DENND2A: variants seen among roughly 807,000 people sequenced by gnomAD.
DENND2A encodes DENN domain containing 2A, also known as DENN domain-containing protein 2A.
In DENND2A, 53 loss-of-function variants were observed where a neutral mutation model predicts 105.3. The observed-to-expected ratio is 0.50, with a 90% CI of 0.40 to 0.63. DENND2A has a LOEUF of 0.63. Among genes scored for constraint, DENND2A ranks in the 30% least tolerant of loss-of-function variants. The pLI, the probability that DENND2A is intolerant of heterozygous loss-of-function variation, is 0.00. For missense variants in DENND2A, 1,138 were observed against 1,279.6 expected, an observed-to-expected ratio of 0.89 and a Z score of 1.69; for synonymous variants, 522 against 508.4, an observed-to-expected ratio of 1.03 and a Z score of -0.36.
Position 140,521,984 on chromosome 7 carries a change from G to A in DENND2A, c.2782C>T (p.Leu928=), listed in dbSNP as rs61737087. The A allele has an allele frequency of 5.6e-4, 903 of 1,614,166 alleles. 5 individuals carry two copies. The African/African-American group carries it at 0.01, about 19-fold the overall frequency. The change falls in exon 18 of 20, where the codon CTG becomes TTG. Residue 928 remains leucine (L), a synonymous_variant. Coordinates refer to ENST00000496613, the MANE Select transcript of DENND2A (RefSeq NM_015689.5). ...GCTTTGCGGAAGGCCTCCCGCTGCA[G>A]GGTTCTCTCCTCACGCTCGCCCGAC... ...LTSGEREERT[L]QREAFRKAVS...
chr7:140,555,135 CTTT>C (rs11308626), intron 12 of DENND2A, among the ~76,000 whole-genome samples: 25 of 118,440 alleles, frequency 2.1e-4, no homozygotes, highest in African/African-American at 2.5e-4. Flanking sequence ...TTCATTAACT[CTTT>C]TTTTTTTTTT....
At chr7:140,639,688 T>C (rs1167453630) in intron 1 of DENND2A, among the ~76,000 whole-genome samples, 2 of 152,218 alleles carry the variant, frequency 1.3e-5, no homozygotes, top group Non-Finnish European at 2.9e-5. Context: ...TCCGATGTCA[T>C]TTGGAACCTT....
At chr7:140,548,956 C>T (rs1332032663) in intron 12 of DENND2A, among the ~76,000 whole-genome samples, 2 of 151,946 alleles carry the variant, frequency 1.3e-5, no homozygotes, top group African/African-American at 4.8e-5. Flanking sequence ...TGGTGGCTCC[C>T]ACCTGTAATC....
chr7:140,572,837 T>G (rs1798151980), intron 6 of DENND2A, among the ~76,000 whole-genome samples: 1 of 152,062 alleles, frequency 6.6e-6, no homozygotes, highest in Non-Finnish European at 1.5e-5. Context: ...GCATATTAGT[T>G]GTTTTTAACT....
chr7:140,591,953 TAC>T (rs1799060934), intron 3 of DENND2A, among the ~76,000 whole-genome samples: 1 of 22,704 alleles, frequency 4.4e-5, no homozygotes, highest in African/African-American at 2.8e-4. Flanking sequence ...CCCCCCTCCC[TAC>T]TCCCCTCCCC....
At chr7:140,576,699 T>C (rs1798313296) in intron 5 of DENND2A, among the ~76,000 whole-genome samples, 1 of 152,220 alleles carries the variant, frequency 6.6e-6, no homozygotes, top group Non-Finnish European at 1.5e-5. Context: ...AGCTCCAATG[T>C]TTTATCACAG....
Position 140,602,258 on chromosome 7 carries a change from T to C in DENND2A, c.140A>G (p.Lys47Arg), listed in dbSNP as rs1373390213. 1 of 1,613,444 alleles carries C rather than the reference T, an allele frequency of 6.2e-7. No individual in the cohort carries two copies. Among genetic ancestry groups the C allele is most frequent in the East Asian group, 2.2e-5 (1 of 44,890 alleles). The change falls in exon 3 of 20, where the codon AAG (lysine) becomes AGG (arginine). Residue 47 changes from lysine to arginine, a missense_variant. This residue lies in a region of DENND2A where 511 missense variants were observed against 499.9 expected (regional missense o/e 1.02). Transcript: ENST00000496613. ...ARPRHKSLNI[K>R]DKISEWEGKK... is the part of the protein sequence containing the mutation. ...CCCTTCCCATTCTGATATCTTGTCC[T>C]TTATGTTGAGGGACTTGTGCCGGGG...
chr7:140,637,573 T>C (rs1800995302), intron 1 of DENND2A, among the ~76,000 whole-genome samples: 1 of 152,226 alleles, frequency 6.6e-6, no homozygotes, highest in Admixed American at 6.5e-5. Context: ...ATCTCTGGTC[T>C]GCTGAGTCCC....
chr7:140,585,140 GTGCGCCGTGAT>G (rs1233715996), intron 5 of DENND2A, among the ~76,000 whole-genome samples: 1 of 152,204 alleles, frequency 6.6e-6, no homozygotes, highest in African/African-American at 2.4e-5. Flanking sequence ...CAAGGCTGCA[GTGCGCCGTGAT>G]TGCACCACTG....
chr7:140,567,288 GAGAGAGAA>G lies in DENND2A; in HGVS notation c.1592-23_1592-16del, dbSNP rs199826292. ...CTGGCTGTGAGCTGGGTGAGGGAGGGAGAGAGAAAGAGAGAAAGAGAGAGAGAGAGAGA... is the reference window on the plus strand; with the variant it reads ...CTGGCTGTGAGCTGGGTGAGGGAGGGAGAGAGAAAGAGAGAGAGAGAGAGA... On this transcript the variant is annotated splice_polypyrimidine_tract_variant and intron_variant, in intron 8 of 19. Transcript: ENST00000496613. The G allele has an allele frequency of 0.039, 51,595 of 1,314,158 alleles. 7,531 individuals are homozygous for G. Among genetic ancestry groups the G allele is most frequent in the African/African-American group, 0.068 (4,081 of 59,848 alleles). 81.4% of individuals were successfully genotyped at this position (1,314,158 alleles called of 1,614,324 possible). A position where few individuals can be genotyped will look rare whatever the true frequency, so the allele number is the denominator to read the frequency against.
At chr7:140,562,426 C>T (rs1217070718) in intron 9 of DENND2A, among the ~76,000 whole-genome samples, 1 of 152,132 alleles carries the variant, frequency 6.6e-6, no homozygotes, top group Middle Eastern at 3.4e-3. Context: ...CTTTGGGAGG[C>T]TGAGGCGGGC....
chr7:140,526,866 C>T (rs1238467572), intron 15 of DENND2A, among the ~76,000 whole-genome samples: 1 of 152,152 alleles, frequency 6.6e-6, no homozygotes, highest in Non-Finnish European at 1.5e-5. Flanking sequence ...GGCTAAGTAA[C>T]TCCAGAAGTG....
Position 140,602,513 on chromosome 7 carries a change from T to G in DENND2A, c.-116A>C, listed in dbSNP as rs762425095. The G allele has an allele frequency of 3.7e-5, 43 of 1,167,970 alleles. No individual in the cohort carries two copies. Among genetic ancestry groups the G allele is most frequent in the Non-Finnish European group, 5.0e-5 (43 of 863,526 alleles). 72.4% of individuals were successfully genotyped at this position (1,167,970 alleles called of 1,614,324 possible). ...CTAAAGTGGATGCCTTCGAGGGTCTTTCTCAGTCCTTGGACCTTCCACCTT... is the reference window on the plus strand; with the variant it reads ...CTAAAGTGGATGCCTTCGAGGGTCTGTCTCAGTCCTTGGACCTTCCACCTT... On this transcript the variant is annotated 5_prime_UTR_variant, in exon 3 of 20. Coordinates refer to ENST00000496613, the MANE Select transcript of DENND2A (RefSeq NM_015689.5).
rs73165431 is a variant in DENND2A at position 140,567,204 on chromosome 7, C to T, written c.1661G>A (p.Arg554Gln). Residue 554 changes from arginine to glutamine, a missense_variant, in exon 9 of 20, where the codon CGG becomes CAG. By Grantham distance (43) the Arg-to-Gln change is conservative. This residue lies in a region of DENND2A where 627 missense variants were observed against 779.8 expected (regional missense o/e 0.80). Transcript: ENST00000496613. The stretch of plus-strand genomic sequence containing the variant: ...CCTCTCCTGGTACTCGATGAGTTCC[C>T]GGGCAAGTGATGGGTACCGAGGCGC... ...KQAPRYPSLA[R>Q]ELIEYQERQL... 3.8e-4 allele frequency: 607 copies of T among 1,613,634 alleles called. 5 individuals are homozygous for T. Among genetic ancestry groups the T allele is most frequent in the Non-Finnish European group, 2.9e-4 (342 of 1,179,902 alleles).
intron 11 of DENND2A, among the ~76,000 whole-genome samples, chr7:140,557,530 TA>T (rs1223428438): frequency 1.1e-3 from 42 of 39,158 alleles, no homozygotes; most frequent in African/African-American, 2.5e-3. Flanking sequence ...TATATATATA[TA>T]TTTTTTTTTT....
At chr7:140,549,036 G>A (rs1036088950) in intron 12 of DENND2A, among the ~76,000 whole-genome samples, 34 of 151,620 alleles carry the variant, frequency 2.2e-4, no homozygotes, top group Non-Finnish European at 4.3e-4. Context: ...CTGCCAACAC[G>A]GTGAAACCCC....
intron 14 of DENND2A, among the ~76,000 whole-genome samples, chr7:140,530,934 G>A (rs751627016): frequency 2.0e-5 from 3 of 152,266 alleles, no homozygotes; most frequent in Non-Finnish European, 4.4e-5. Context: ...GTTTCACCAC[G>A]TTGGTCAGGC....
At chr7:140,598,821 C>T (rs1369731448) in intron 3 of DENND2A, among the ~76,000 whole-genome samples, 1 of 152,020 alleles carries the variant, frequency 6.6e-6, no homozygotes, top group Non-Finnish European at 1.5e-5. Context: ...ATATTTAGAA[C>T]ATTCAGAAAA....
At position 140,557,066 on chromosome 7, in the gene DENND2A, G is replaced by C. The variant is rs144945934; in HGVS notation, c.1959+1077C>G. On this transcript the variant is annotated intron_variant, in intron 11 of 19. Transcript: ENST00000496613. Reference sequence around the variant, plus strand: ...TGTTTTATTAGAAAAAAAAAAATTCGCTTAAAGAGAGAAAGGTCTTTTATT... The same window carrying C: ...TGTTTTATTAGAAAAAAAAAAATTCCCTTAAAGAGAGAAAGGTCTTTTATT... Among the ~76,000 whole-genome samples the C allele has an allele frequency of 3.2e-4, 49 of 152,066 alleles. 1 individual carries two copies. The highest frequency in any genetic ancestry group is 6.3e-4 in the Non-Finnish European group (43 of 67,988).
Sources: allele counts gnomAD v4.1 joint callset (sites outside exome capture counted in the v4.1 genomes callset), GRCh38; gene constraint gnomAD v4.1.1; regional missense constraint gnomAD v4.1.1; transcripts MANE v1.5; gene names NCBI Gene and HGNC (gene_info 2026-07-23, HGNC 2026-07-21).